The following NRG4 variants were observed in gnomAD, a reference collection of about 807,000 sequenced individuals.
The protein encoded by NRG4 is neuregulin 4.
In NRG4, 10 loss-of-function variants were observed where a neutral mutation model predicts 15.0. The ratio of observed to expected loss-of-function variants is 0.67; its 90% CI spans 0.41 to 1.13. The LOEUF is 1.13. Ranked by LOEUF, NRG4 falls within the 50% of genes most tolerant of loss-of-function variation. The pLI, the probability that NRG4 is intolerant of heterozygous loss-of-function variation, is 0.00. For missense variants in NRG4, 139 were observed against 140.2 expected (o/e 0.99, Z 0.04); for synonymous variants, 41 against 50.1 (o/e 0.82, Z 0.77).
chr15:75,959,410 T>A (rs551776583), intron 4 of NRG4, among the ~76,000 whole-genome samples: 191 of 152,234 alleles, frequency 1.3e-3, no homozygotes, highest in South Asian at 3.5e-3. Flanking sequence ...TATGATTGAA[T>A]TGCATTTCCT....
At chr15:75,962,128 C>A (rs2460796) in intron 3 of NRG4, among the ~76,000 whole-genome samples, 154 bp from the exon 4 acceptor site, 9,456 of 152,216 alleles carry the variant, frequency 0.062, 610 homozygotes, top group African/African-American at 0.17. Flanking sequence ...GCTCACAGAT[C>A]TACAGTTACA....
At chr15:76,034,037 C>T (rs949320978) in intron 5 of NRG4, among the ~76,000 whole-genome samples, 1 of 152,218 alleles carries the variant, frequency 6.6e-6, no homozygotes, top group Non-Finnish European at 1.5e-5. Flanking sequence ...ATGCATTAAA[C>T]AGAACATACT....
intron 5 of NRG4, among the ~76,000 whole-genome samples, chr15:75,944,444 CTT>C (rs2031326254): frequency 6.6e-6 from 1 of 152,128 alleles, no homozygotes; most frequent in South Asian, 2.1e-4. Context: ...CATGCTAAGA[CTT>C]CAGGCTGTGG....
chr15:76,023,500 C>T (rs2035222225), intron 5 of NRG4, among the ~76,000 whole-genome samples: 1 of 152,176 alleles, frequency 6.6e-6, no homozygotes, highest in Non-Finnish European at 1.5e-5. Flanking sequence ...ATCCCCAGCC[C>T]CAAGTCCAGT....
chr15:75,942,061 AAGTT>A lies in NRG4; in HGVS notation c.*1573_*1576del, dbSNP rs1316970507. On this transcript the variant is annotated 3_prime_UTR_variant, in exon 6 of 6. Transcript: ENST00000394907. ...TTAAGTGTATATTGCTAAGTGAAAG[AAGTT>A]AGTCTGAAAGGCTACATACTACATG... is the stretch of plus-strand genomic sequence containing the variant. 1 of 151,544 alleles carries A rather than the reference AAGTT, an allele frequency of 6.6e-6. No individual in the cohort carries two copies. Among genetic ancestry groups the A allele is most frequent in the African/African-American group, 2.4e-5 (1 of 41,332 alleles). 9.4% of individuals were successfully genotyped at this position (151,544 alleles called of 1,614,324 possible). A position where few individuals can be genotyped will look rare whatever the true frequency, so the allele number is the denominator to read the frequency against.
Position 75,941,058 on chromosome 15 carries a change from C to G in NRG4, c.*2580G>C, listed in dbSNP as rs1367245394. 6.6e-6 allele frequency: 1 copy of G among 152,032 alleles called. No individual in the cohort carries two copies. The highest frequency in any genetic ancestry group is 1.5e-5 in the Non-Finnish European group (1 of 67,946). The allele number at this position is 152,032 out of a possible 1,614,324, so 9.4% of individuals were successfully genotyped here. On this transcript the variant is annotated 3_prime_UTR_variant, in exon 6 of 6. Transcript: ENST00000394907. Reference sequence around the variant, plus strand: ...CACGTACCTAATAAGGATTAAACATCCAGAATACATACAAAACTCCCAAAA... The same window carrying G: ...CACGTACCTAATAAGGATTAAACATGCAGAATACATACAAAACTCCCAAAA...
Position 75,943,614 on chromosome 15 carries a change from G to T in NRG4, c.*24C>A, listed in dbSNP as rs1268280111. 3 of 1,480,858 alleles carry T rather than the reference G, an allele frequency of 2.0e-6. No individual in the cohort carries two copies. Among genetic ancestry groups the T allele is most frequent in the East Asian group, 2.3e-5 (1 of 44,166 alleles). 91.7% of individuals were successfully genotyped at this position (1,480,858 alleles called of 1,614,324 possible). A position where few individuals can be genotyped will look rare whatever the true frequency, so the allele number is the denominator to read the frequency against. On this transcript the variant is annotated 3_prime_UTR_variant, in exon 6 of 6. Transcript: ENST00000394907. Reference sequence around the variant, plus strand: ...TCTGCCTTTGTAAAATAAAAACAATGATTTGGTTCACTTTGACGTTTCTTC... The same window carrying T: ...TCTGCCTTTGTAAAATAAAAACAATTATTTGGTTCACTTTGACGTTTCTTC...
At chr15:75,998,453 G>T (rs1300744249) in intron 3 of NRG4, among the ~76,000 whole-genome samples, 1 of 152,120 alleles carries the variant, frequency 6.6e-6, no homozygotes, top group Non-Finnish European at 1.5e-5. Flanking sequence ...TTCAACACAG[G>T]ACAGAAAGGC....
chr15:75,953,833 T>C (rs1227989086), intron 5 of NRG4, among the ~76,000 whole-genome samples: 1 of 152,136 alleles, frequency 6.6e-6, no homozygotes, highest in Admixed American at 6.5e-5. Context: ...ACTACAGATA[T>C]GCACCATCAT....
intron 5 of NRG4, among the ~76,000 whole-genome samples, chr15:76,030,522 C>T (rs1378786291): frequency 6.6e-6 from 1 of 152,048 alleles, no homozygotes; most frequent in African/African-American, 2.4e-5. Context: ...GCTGGGAAAA[C>T]TAGATAGCAA....
At chr15:75,939,690 A>T (rs1041412881), downstream of NRG4, 1 of 152,192 alleles carries the variant, frequency 6.6e-6, no homozygotes, top group African/African-American at 2.4e-5. Context: ...GTACACCACG[A>T]CCAAATGGAA....
chr15:76,038,111 C>A (rs2035639225), intron 4 of NRG4, among the ~76,000 whole-genome samples: 1 of 152,192 alleles, frequency 6.6e-6, no homozygotes, highest in Non-Finnish European at 1.5e-5. Flanking sequence ...AATAGTGATA[C>A]TTAGGTAGTA....
intron 1 of NRG4, among the ~76,000 whole-genome samples, chr15:76,057,828 ATATT>A (rs2036190116): frequency 6.7e-6 from 1 of 150,162 alleles, no homozygotes; most frequent in Non-Finnish European, 1.5e-5. Context: ...CATAATATAA[ATATT>A]TATAAATATA....
chr15:76,025,523 T>C (rs1030263672), intron 5 of NRG4, among the ~76,000 whole-genome samples: 22 of 151,934 alleles, frequency 1.4e-4, no homozygotes, highest in African/African-American at 4.8e-4. Context: ...GAAATAGATA[T>C]CATAAAAAAG....
At chr15:76,040,778 A>G (rs959130778) in intron 4 of NRG4, among the ~76,000 whole-genome samples, 11 of 152,128 alleles carry the variant, frequency 7.2e-5, no homozygotes, top group Non-Finnish European at 7.4e-5. Flanking sequence ...TATAAAAATC[A>G]GCCAGCTGTG....
chr15:76,023,172 ACACACACACAC>A (rs1174798109), intron 5 of NRG4, among the ~76,000 whole-genome samples: 23 of 146,638 alleles, frequency 1.6e-4, no homozygotes, highest in South Asian at 1.3e-3. Context: ...ACACACACAC[ACACACACACAC>A]AAGCAAGGAC....
intron 1 of NRG4, among the ~76,000 whole-genome samples, chr15:76,057,482 C>T (rs1351439504): frequency 6.6e-6 from 1 of 152,140 alleles, no homozygotes; most frequent in African/African-American, 2.4e-5. Context: ...CGGTGTTAGG[C>T]CTCAGGGTAT....
chr15:76,058,011 C>T (rs573844639), intron 1 of NRG4, among the ~76,000 whole-genome samples: 92 of 152,090 alleles, frequency 6.0e-4, no homozygotes, highest in African/African-American at 2.1e-3. Flanking sequence ...AAATACTTGT[C>T]GTACTCTGAG....
chr15:75,965,295 C>T (rs2032745321), intron 3 of NRG4, among the ~76,000 whole-genome samples: 1 of 152,150 alleles, frequency 6.6e-6, no homozygotes, highest in Admixed American at 6.5e-5. Flanking sequence ...ACAATAAATA[C>T]TTTGAGTTGG....
Sources: gnomAD v4.1 joint callset for allele counts (sites outside exome capture counted in the v4.1 genomes callset) on GRCh38, gnomAD v4.1.1 for gene constraint, MANE v1.5 for transcripts, NCBI Gene and HGNC (gene_info 2026-07-23, HGNC 2026-07-21) for gene names.